POT1: variants seen among roughly 807,000 people sequenced by gnomAD.
The protein encoded by POT1 is protection of telomeres 1, also known as protection of telomeres protein 1.
In POT1, 47 loss-of-function variants were observed where a neutral mutation model predicts 78.5. The observed-to-expected ratio is 0.60, with a 90% CI of 0.47 to 0.76. The LOEUF (loss-of-function observed/expected upper bound fraction) is 0.76. Among genes scored for constraint, POT1 ranks in the 30% least tolerant of loss-of-function variants. The probability of loss-of-function intolerance (pLI) is 0.00; values close to 1 mark genes in which losing one functional copy is unlikely to be tolerated. For synonymous variants in POT1, 259 were observed against 260.7 expected (o/e 0.99, Z 0.06); for missense variants, 646 against 749.9 (o/e 0.86, Z 1.62).
rs748707798 is a variant in POT1 at position 124,841,040 on chromosome 7, T to C, written c.1302A>G (p.Val434=). The stretch of plus-strand genomic sequence containing the variant: ...CATTATTTTTCACAAAATGAACTGC[T>C]ACTTTTCGTCCTTTTTGATTTTTAG... The part of the protein sequence containing the change: ...WTTKNQKGRK[V]AVHFVKNNGI... The change falls in exon 14 of 19, where the codon GTA becomes GTG. Residue 434 remains valine (V), a synonymous_variant. Coordinates refer to ENST00000357628, the MANE Select transcript of POT1 (RefSeq NM_015450.3). 2 of 1,612,324 alleles carry C rather than the reference T, an allele frequency of 1.2e-6. No individual in the cohort carries two copies. Among genetic ancestry groups the C allele is most frequent in the Non-Finnish European group, 1.7e-6 (2 of 1,178,776 alleles).
At chr7:124,862,641 T>C (rs905738723) in intron 8 of POT1, among the ~76,000 whole-genome samples, 8 of 152,172 alleles carry the variant, frequency 5.3e-5, no homozygotes, top group Non-Finnish European at 7.4e-5. Context: ...CTCCATGACT[T>C]GTCCAAGTGC....
chr7:124,912,978 C>G (rs886397687), intron 3 of POT1, among the ~76,000 whole-genome samples: 2 of 152,178 alleles, frequency 1.3e-5, no homozygotes, highest in African/African-American at 4.8e-5. Context: ...TTCCACATAG[C>G]TGGGGAGGCC....
At chr7:124,851,196 G>A (rs942464064) in intron 11 of POT1, among the ~76,000 whole-genome samples, 1 of 152,130 alleles carries the variant, frequency 6.6e-6, no homozygotes, top group African/African-American at 2.4e-5. Flanking sequence ...TGCTACTCAG[G>A]AGGCTGAGGA....
chr7:124,921,109 TA>T (rs1563024035), intron 2 of POT1, among the ~76,000 whole-genome samples: 2 of 151,634 alleles, frequency 1.3e-5, no homozygotes, highest in Admixed American at 6.6e-5. Flanking sequence ...AGCAAACAAA[TA>T]AGAAAATGTT....
At chr7:124,828,293 A>C (rs1223714117) in intron 16 of POT1, among the ~76,000 whole-genome samples, 1 of 152,220 alleles carries the variant, frequency 6.6e-6, no homozygotes, top group Non-Finnish European at 1.5e-5. Context: ...AGAATGTCAG[A>C]ATCTGAGATT....
At chr7:124,885,293 CAAAAAAAA>C (rs11372618) in intron 6 of POT1, among the ~76,000 whole-genome samples, 2 of 63,250 alleles carry the variant, frequency 3.2e-5, no homozygotes, top group Non-Finnish European at 5.7e-5. Flanking sequence ...TCCATCTCTC[CAAAAAAAA>C]AAAAAAAAAA....
chr7:124,872,085 T>C (rs73223557), intron 6 of POT1, among the ~76,000 whole-genome samples: 98 of 152,274 alleles, frequency 6.4e-4, no homozygotes, highest in Non-Finnish European at 1.2e-3. Flanking sequence ...TAAGATCAAT[T>C]TTTTAAGATT....
chr7:124,839,757 A>G (rs1240944674), intron 14 of POT1, among the ~76,000 whole-genome samples: 1 of 152,084 alleles, frequency 6.6e-6, no homozygotes, highest in African/African-American at 2.4e-5. Flanking sequence ...AAGTTTCCCT[A>G]TGTCCCCTAG....
intron 7 of POT1, among the ~76,000 whole-genome samples, chr7:124,867,594 C>A (rs1293011275): frequency 1.3e-5 from 2 of 151,914 alleles, no homozygotes; most frequent in African/African-American, 4.8e-5. Context: ...ATTCTTATGT[C>A]TCCTCATTAG....
rs1584790019 is a variant in POT1, at chr7:124,889,439, G to T, written c.124+2827C>A. ...ACAGCAAGTAGCAAGTGCTGATGAA[G>T]AAGATGGAGCAAGTTATCCAGAAGA... On this transcript the variant is annotated intron_variant, in intron 6 of 18. Coordinates refer to ENST00000357628, the MANE Select transcript of POT1 (RefSeq NM_015450.3). Among the ~76,000 whole-genome samples the T allele has an allele frequency of 3.3e-5, 5 of 152,180 alleles. No homozygotes were observed. The South Asian group carries it at 8.3e-4, about 25-fold the overall frequency.
intron 6 of POT1, among the ~76,000 whole-genome samples, chr7:124,882,477 A>T (rs1325183769): frequency 1.3e-5 from 2 of 152,026 alleles, no homozygotes; most frequent in African/African-American, 4.8e-5. Flanking sequence ...CTATTGCAAG[A>T]GCATGACAGC....
At chr7:124,925,853 G>A (rs1797259787) in intron 2 of POT1, among the ~76,000 whole-genome samples, 1 of 152,106 alleles carries the variant, frequency 6.6e-6, no homozygotes, top group Non-Finnish European at 1.5e-5. Context: ...ACACTACACT[G>A]GGGAGAAGAC....
At chr7:124,921,529 G>A (rs895498075) in intron 2 of POT1, among the ~76,000 whole-genome samples, 1 of 24,476 alleles carries the variant, frequency 4.1e-5, no homozygotes, top group Non-Finnish European at 9.4e-5. Context: ...TGTAACAAAC[G>A]TCTATACGAA....
chr7:124,880,093 G>A (rs1298381820), intron 6 of POT1, among the ~76,000 whole-genome samples: 2 of 151,970 alleles, frequency 1.3e-5, no homozygotes, highest in Non-Finnish European at 1.5e-5. Flanking sequence ...TAGTTTTGAT[G>A]CCCCTTTTCC....
chr7:124,907,703 A>G (rs968811057), intron 3 of POT1, among the ~76,000 whole-genome samples: 5 of 152,138 alleles, frequency 3.3e-5, no homozygotes, highest in Admixed American at 1.3e-4. Context: ...CAACTGTAAT[A>G]CCACTCTGGT....
At chr7:124,841,649 G>A (rs1282580661) in intron 13 of POT1, among the ~76,000 whole-genome samples, 1 of 151,906 alleles carries the variant, frequency 6.6e-6, no homozygotes, top group Non-Finnish European at 1.5e-5. Context: ...GAAGTCATAT[G>A]GTTAGGTACC....
rs539583642 is a variant in POT1, at chr7:124,906,575, A to G, written c.-153-8201T>C. ...AATGGGTGCAGCACACCAACGTGGC[A>G]CATGTATACATATGTAACAAAACTG... On this transcript the variant is annotated intron_variant, in intron 3 of 18. Transcript: ENST00000357628. 3.8e-4 allele frequency among the ~76,000 whole-genome samples: 58 copies of G among 152,266 alleles called. No individual in the cohort carries two copies. The Middle Eastern group carries it at 0.017, about 45-fold the overall frequency.
At chr7:124,888,087 C>T (rs1796287757) in intron 6 of POT1, among the ~76,000 whole-genome samples, 1 of 151,990 alleles carries the variant, frequency 6.6e-6, no homozygotes, top group South Asian at 2.1e-4. Context: ...TGTTTTATTC[C>T]AGAACATTCA....
At chr7:124,844,806 G>A (rs1454785073) in intron 12 of POT1, among the ~76,000 whole-genome samples, 2 of 147,542 alleles carry the variant, frequency 1.4e-5, no homozygotes, top group Admixed American at 6.8e-5. Context: ...ACAGTGATAA[G>A]AGCAATTGCT....
Sources: gnomAD v4.1 joint callset for allele counts (sites outside exome capture counted in the v4.1 genomes callset) on GRCh38, gnomAD v4.1.1 for gene constraint, MANE v1.5 for transcripts, NCBI Gene and HGNC (gene_info 2026-07-23, HGNC 2026-07-21) for gene names.